The following KHDRBS2 variants were observed in gnomAD, a reference collection of about 807,000 sequenced individuals.
The protein encoded by KHDRBS2 is KH RNA binding domain containing, signal transduction associated 2.
KHDRBS2 carries 26 observed loss-of-function variants against 44.3 expected under a neutral mutation model. That is an observed-to-expected ratio of 0.59 (90% CI 0.43 to 0.81). The LOEUF is 0.81. KHDRBS2 is among the 40% of genes least tolerant of loss of function. The pLI, the probability that KHDRBS2 is intolerant of heterozygous loss-of-function variation, is 0.00. For missense variants in KHDRBS2, 476 were observed against 433.1 expected, an observed-to-expected ratio of 1.10 and a Z score of -0.88; for synonymous variants, 194 against 151.1, an observed-to-expected ratio of 1.28 and a Z score of -2.08.
intron 1 of KHDRBS2, among the ~76,000 whole-genome samples, chr6:62,187,272 A>G (rs1823639256): frequency 6.6e-6 from 1 of 152,200 alleles, no homozygotes; most frequent in Non-Finnish European, 1.5e-5. Context: ...TACAGCAAGG[A>G]AAGTAAGAGA....
At chr6:62,051,435 T>C (rs546425308) in intron 2 of KHDRBS2, among the ~76,000 whole-genome samples, 3 of 152,166 alleles carry the variant, frequency 2.0e-5, no homozygotes, top group South Asian at 2.1e-4. Context: ...TCCAGTGTTT[T>C]TTTAGCACAA....
the KHDRBS2 span, among the ~76,000 whole-genome samples, chr6:61,573,344 C>T: frequency 3.3e-5 from 5 of 152,178 alleles, no homozygotes; most frequent in African/African-American, 1.2e-4. Context: ...GAAACACATT[C>T]CATGCTCATG....
intron 6 of KHDRBS2, among the ~76,000 whole-genome samples, chr6:61,770,535 G>A (rs1452740196): frequency 3.3e-5 from 5 of 152,190 alleles, no homozygotes; most frequent in South Asian, 2.1e-4. Flanking sequence ...GCTATGTGAC[G>A]AATGCAGAAG....
chr6:61,831,273 C>A (rs1234278702), intron 6 of KHDRBS2, among the ~76,000 whole-genome samples: 2 of 151,978 alleles, frequency 1.3e-5, no homozygotes, highest in Non-Finnish European at 1.5e-5. Flanking sequence ...GACTAAAAAA[C>A]CACAAATGAT....
chr6:62,118,273 T>C (rs1321380389), intron 2 of KHDRBS2, among the ~76,000 whole-genome samples: 2 of 152,232 alleles, frequency 1.3e-5, no homozygotes, highest in Admixed American at 6.5e-5. Context: ...TTTATGCAAA[T>C]GCCATGCTGT....
intron 6 of KHDRBS2, among the ~76,000 whole-genome samples, chr6:61,760,216 C>T (rs915492556): frequency 4.6e-5 from 7 of 152,110 alleles, no homozygotes; most frequent in African/African-American, 1.7e-4. Flanking sequence ...TTTCTAAAAA[C>T]ATTTGTATTG....
At chr6:62,175,135 T>A (rs1820826564) in intron 2 of KHDRBS2, among the ~76,000 whole-genome samples, 1 of 151,688 alleles carries the variant, frequency 6.6e-6, no homozygotes, top group African/African-American at 2.4e-5. Context: ...CAGAACAAGG[T>A]AGGTCAACTT....
chr6:61,773,662 T>C (rs1365073416), intron 6 of KHDRBS2, among the ~76,000 whole-genome samples: 1 of 151,114 alleles, frequency 6.6e-6, no homozygotes. Flanking sequence ...ATCCCATTTG[T>C]CAATTTTGGC....
intron 3 of KHDRBS2, among the ~76,000 whole-genome samples, chr6:62,029,582 A>G (rs1783973271): frequency 1.3e-5 from 2 of 152,002 alleles, no homozygotes; most frequent in South Asian, 2.1e-4. Context: ...CATTCTCCAG[A>G]TTAATAATCC....
chr6:61,582,901 C>T, the KHDRBS2 span, among the ~76,000 whole-genome samples: 53 of 151,768 alleles, frequency 3.5e-4, 1 homozygote, highest in African/African-American at 1.2e-3. Flanking sequence ...CAAATCTTTT[C>T]ATAATGAAAA....
At chr6:62,177,130 C>A in intron 2 of KHDRBS2, 55 bp downstream of exon 2, 1 of 1,046,308 alleles carries the variant, frequency 9.6e-7, no homozygotes, top group Non-Finnish European at 1.4e-6. Flanking sequence ...AAAATACCGT[C>A]TTCTTTTATC....
At chr6:62,139,509 C>A (rs527896431) in intron 2 of KHDRBS2, among the ~76,000 whole-genome samples, 1 of 150,022 alleles carries the variant, frequency 6.7e-6, no homozygotes, top group African/African-American at 2.5e-5. Context: ...GCGGAGATCG[C>A]GCCACTACAC....
At chr6:61,609,798 G>T in the KHDRBS2 span, among the ~76,000 whole-genome samples, 1 of 152,342 alleles carries the variant, frequency 6.6e-6, no homozygotes, top group East Asian at 1.9e-4. Context: ...AGCAGTGAGA[G>T]GGGAGTGAAT....
chr6:61,957,054 T>C (rs552010746), intron 4 of KHDRBS2, among the ~76,000 whole-genome samples: 2 of 152,268 alleles, frequency 1.3e-5, no homozygotes, highest in South Asian at 2.1e-4. Context: ...TTAATACTTT[T>C]ATAATTTCTT....
the KHDRBS2 span, among the ~76,000 whole-genome samples, chr6:61,637,832 CT>C: frequency 6.6e-6 from 1 of 152,082 alleles, no homozygotes; most frequent in Non-Finnish European, 1.5e-5. Context: ...TAAATGTCTT[CT>C]TTTGAGAAGT....
intron 6 of KHDRBS2, among the ~76,000 whole-genome samples, chr6:61,768,285 C>T (rs1177789147): frequency 6.6e-6 from 1 of 152,084 alleles, no homozygotes; most frequent in Admixed American, 6.6e-5. Context: ...TAGGATCTTT[C>T]TTTATCCTTG....
At chr6:61,567,329 G>T in the KHDRBS2 span, among the ~76,000 whole-genome samples, 1 of 152,220 alleles carries the variant, frequency 6.6e-6, no homozygotes. Context: ...GTTTAGTCAA[G>T]GTGAGGGGGA....
intron 5 of KHDRBS2, among the ~76,000 whole-genome samples, chr6:61,898,861 T>C (rs2127339506): frequency 6.6e-6 from 1 of 151,998 alleles, no homozygotes; most frequent in South Asian, 2.1e-4. Context: ...GGTGAAAAAA[T>C]TGAGATGAAA....
intron 6 of KHDRBS2, among the ~76,000 whole-genome samples, chr6:61,834,665 T>C (rs537128831): frequency 6.6e-6 from 1 of 152,046 alleles, no homozygotes; most frequent in Non-Finnish European, 1.5e-5. Flanking sequence ...TTCTCTGGGT[T>C]GTTTGTATGG....
Sources: allele counts gnomAD v4.1 joint callset (sites outside exome capture counted in the v4.1 genomes callset), GRCh38; gene constraint gnomAD v4.1.1; transcripts MANE v1.5; gene names NCBI Gene and HGNC (gene_info 2026-07-23, HGNC 2026-07-21).